FBN2: variants seen among roughly 807,000 people sequenced by gnomAD.
FBN2 encodes fibrillin 2, also known as fibrillin-2.
Under a neutral mutation model 355.6 loss-of-function variants are expected in FBN2, and 105 were observed. The ratio of observed to expected loss-of-function variants is 0.30; its 90% CI spans 0.25 to 0.35. The LOEUF is 0.35. FBN2 is among the 10% of genes least tolerant of loss of function. The pLI, the probability that FBN2 is intolerant of heterozygous loss-of-function variation, is 1.00. For synonymous variants in FBN2, 1,350 were observed against 1,301.2 expected (o/e 1.04, Z -0.81); for missense variants, 3,280 against 3,758.7 (o/e 0.87, Z 3.33).
intron 8 of FBN2, among the ~76,000 whole-genome samples, chr5:128,399,970 A>G (rs1752754909): frequency 6.6e-6 from 1 of 152,056 alleles, no homozygotes; most frequent in Non-Finnish European, 1.5e-5. Flanking sequence ...AAACAAATAT[A>G]TCAGTAATAT....
chr5:128,325,943 C>A lies in FBN2; in HGVS notation c.4471+2753G>T, dbSNP rs372755873. 2.0e-5 allele frequency among the ~76,000 whole-genome samples: 3 copies of A among 152,184 alleles called. 1 individual carries two copies. The highest frequency in any genetic ancestry group is 4.1e-4 in the South Asian group (2 of 4,836). On this transcript the variant is annotated intron_variant, in intron 34 of 64. Transcript: ENST00000262464. The stretch of plus-strand genomic sequence containing the variant: ...TACTCTATAGCTCTTATAATCTCTA[C>A]AAACTTCTTCAACTACATTTATGAT...
intron 6 of FBN2, among the ~76,000 whole-genome samples, chr5:128,447,766 G>A (rs1016630369): frequency 2.0e-5 from 3 of 152,092 alleles, no homozygotes; most frequent in Admixed American, 2.0e-4. Context: ...GGGGCATCAC[G>A]GCACCTGCCG....
At position 128,446,524 on chromosome 5, in the gene FBN2, G is replaced by C; in HGVS notation, c.909C>G (p.Cys303Trp). The change falls in exon 7 of 65, where the codon TGC (cysteine) becomes TGG (tryptophan). Residue 303 changes from cysteine to tryptophan, a missense_variant. Around this residue, in one of 6 missense-constraint regions of FBN2, gnomAD observed 343 missense variants for 331.0 expected, o/e 1.04. Transcript: ENST00000262464. ...TTTCACTCTGTTTGTGACCAGCAGG[G>C]CATCTGCATTCAAAAGAGCCCACTG... Reference protein sequence around the residue: ...INTVGSFECRCPAGHKQSETT... With the variant: ...INTVGSFECRWPAGHKQSETT... 1 of 1,613,896 alleles carries C rather than the reference G, an allele frequency of 6.2e-7. No individual in the cohort carries two copies. Among genetic ancestry groups the C allele is most frequent in the Non-Finnish European group, 8.5e-7 (1 of 1,179,830 alleles).
chr5:128,402,702 T>G (rs903485687), intron 8 of FBN2, among the ~76,000 whole-genome samples: 1 of 152,158 alleles, frequency 6.6e-6, no homozygotes, highest in Admixed American at 6.5e-5. Context: ...GTCAGAACAA[T>G]AGTGATAGAC....
intron 4 of FBN2, among the ~76,000 whole-genome samples, chr5:128,524,456 C>A (rs1356641532): frequency 1.3e-5 from 2 of 152,130 alleles, no homozygotes; most frequent in South Asian, 4.1e-4. Context: ...ATTATCTTAC[C>A]TATTCACAGT....
At position 128,349,963 on chromosome 5, in the gene FBN2, G is replaced by GT; in HGVS notation, c.2854dup (p.Thr952AsnfsTer3). On this transcript the variant is annotated frameshift_variant, in exon 22 of 65. Coordinates refer to ENST00000262464, the MANE Select transcript of FBN2 (RefSeq NM_001999.4). LOFTEE classifies it high-confidence loss of function. Reference sequence around the variant, plus strand: ...AGGAAGGATACACTCACCTTCACACGTAACACCTTTAATCCTGGCAAGCCC... The same window carrying GT: ...AGGAAGGATACACTCACCTTCACACGTTAACACCTTTAATCCTGGCAAGCCC... 6.2e-7 allele frequency: 1 copy of GT among 1,613,288 alleles called. No homozygotes were observed. Among genetic ancestry groups the GT allele is most frequent in the Non-Finnish European group, 8.5e-7 (1 of 1,179,208 alleles).
chr5:128,527,537 C>T (rs1464498092), intron 4 of FBN2, among the ~76,000 whole-genome samples: 2 of 151,786 alleles, frequency 1.3e-5, no homozygotes, highest in East Asian at 1.9e-4. Flanking sequence ...AGAAAACTTG[C>T]TCTTTTTTTT....
intron 5 of FBN2, among the ~76,000 whole-genome samples, chr5:128,494,747 C>G (rs966865206): frequency 2.6e-5 from 4 of 152,174 alleles, no homozygotes; most frequent in Non-Finnish European, 5.9e-5. Flanking sequence ...GCAGAAGAAA[C>G]AGACTTCACT....
At chr5:128,278,171 G>A (rs1271058083) in intron 57 of FBN2, among the ~76,000 whole-genome samples, 166 bp from the exon 58 acceptor site, 2 of 152,184 alleles carry the variant, frequency 1.3e-5, no homozygotes, top group Non-Finnish European at 2.9e-5. Flanking sequence ...CAACATGGAT[G>A]TGATGGAAAA....
chr5:128,398,133 G>A (rs981386381), intron 8 of FBN2, among the ~76,000 whole-genome samples: 15 of 152,108 alleles, frequency 9.9e-5, no homozygotes, highest in Non-Finnish European at 8.8e-5. Flanking sequence ...AGAATATAAC[G>A]TAAAGAGGTT....
At chr5:128,410,606 T>A (rs535837893) in intron 7 of FBN2, among the ~76,000 whole-genome samples, 1 of 152,212 alleles carries the variant, frequency 6.6e-6, no homozygotes, top group African/African-American at 2.4e-5. Context: ...TTTCGTTTCA[T>A]AATAAACAAC....
chr5:128,266,109 C>T (rs1316609199), intron 62 of FBN2, among the ~76,000 whole-genome samples: 1 of 152,178 alleles, frequency 6.6e-6, no homozygotes, highest in African/African-American at 2.4e-5. Context: ...GGGTATTTCA[C>T]CCAATTTCTG....
Position 128,339,338 on chromosome 5 carries a change from G to A in FBN2, c.3344-277C>T, listed in dbSNP as rs138839469. 732 of 397,560 alleles carry A rather than the reference G, an allele frequency of 1.8e-3. 9 individuals carry two copies. Among genetic ancestry groups the A allele is most frequent in the African/African-American group, 0.014 (656 of 48,428 alleles). The allele number at this position is 397,560 out of a possible 1,614,324, so 24.6% of individuals were successfully genotyped here. On this transcript the variant is annotated intron_variant, in intron 25 of 64. Coordinates refer to ENST00000262464, the MANE Select transcript of FBN2 (RefSeq NM_001999.4). Reference sequence around the variant, plus strand: ...TGGCTTAGAAATCGTAACAGAAAAGGGGGGCATGGTGACTCATGCCTGTAA... The same window carrying A: ...TGGCTTAGAAATCGTAACAGAAAAGAGGGGCATGGTGACTCATGCCTGTAA...
Position 128,259,303 on chromosome 5 carries a change from C to T in FBN2, c.*152G>A, listed in dbSNP as rs1374404091. On this transcript the variant is annotated 3_prime_UTR_variant, in exon 65 of 65. Coordinates refer to ENST00000262464, the MANE Select transcript of FBN2 (RefSeq NM_001999.4). ...CATACCAGAGTCTAAATTATCCCTCCCTGTGAGGGTCAACATTCAAAGTCT... is the reference window on the plus strand; with the variant it reads ...CATACCAGAGTCTAAATTATCCCTCTCTGTGAGGGTCAACATTCAAAGTCT... The T allele has an allele frequency of 4.0e-6, 4 of 1,011,530 alleles. No homozygotes were observed. Among genetic ancestry groups the T allele is most frequent in the Non-Finnish European group, 6.1e-6 (4 of 651,354 alleles). The allele number at this position is 1,011,530 out of a possible 1,614,324, so 62.7% of individuals were successfully genotyped here. A position where few individuals can be genotyped will look rare whatever the true frequency, so the allele number is the denominator to read the frequency against.
At chr5:128,329,105 T>A (rs569310112) in intron 33 of FBN2, among the ~76,000 whole-genome samples, 62 of 152,194 alleles carry the variant, frequency 4.1e-4, no homozygotes, top group Non-Finnish European at 8.2e-4. Context: ...ATCTCTCACA[T>A]TTGTCTTGTT....
rs75105513 is a variant in FBN2, at chr5:128,320,099, T to C, written c.4472-1098A>G. Among the ~76,000 whole-genome samples the C allele has an allele frequency of 1.3e-3, 197 of 152,334 alleles. 2 individuals are homozygous for C. The East Asian group carries it at 0.03, about 23-fold the overall frequency. On this transcript the variant is annotated intron_variant, in intron 34 of 64. Coordinates refer to ENST00000262464, the MANE Select transcript of FBN2 (RefSeq NM_001999.4). ...ATGTGCAAAGGTGTCTTTTATTGTG[T>C]TGGGGGTAAGAAAGTTATTCTCTTT...
In FBN2 at chr5:128,259,759, A is replaced by T. The variant is rs2126791973; in HGVS notation, c.8435T>A (p.Leu2812His). The T allele has an allele frequency of 1.2e-6, 2 of 1,613,688 alleles. No homozygotes were observed. Among genetic ancestry groups the T allele is most frequent in the Non-Finnish European group, 1.7e-6 (2 of 1,179,934 alleles). The stretch of plus-strand genomic sequence containing the variant: ...TTCCAGGATGTGCTCCTTAGAGCCG[A>T]GGTGGGAGAGGTTGAACTTCATGTT... ...PVNMKFNLSH[L>H]GSKEHILELR... is the part of the protein sequence containing the mutation. Residue 2812 changes from leucine (L) to histidine (H), a missense_variant, in exon 65 of 65, where the codon CTC (leucine) becomes CAC (histidine). Physicochemically the swap from Leu to His is moderately conservative, Grantham distance 99 (BLOSUM62 -3). Coordinates refer to ENST00000262464, the MANE Select transcript of FBN2 (RefSeq NM_001999.4).
chr5:128,303,043 T>C lies in FBN2; in HGVS notation c.5847A>G (p.Lys1949=), dbSNP rs751378266. The change falls in exon 46 of 65, where the codon AAA becomes AAG. Residue 1949 remains lysine (K), a synonymous_variant. Transcript: ENST00000262464. ...ERHPCGNGTC[K]NTVGSYNCLC... is the part of the protein sequence containing the mutation. The stretch of plus-strand genomic sequence containing the variant: ...GACAGTTATAGGATCCAACGGTGTT[T>C]TTACAAGTTCCATTTCCACATGGAT... The C allele has an allele frequency of 2.1e-5, 34 of 1,613,230 alleles. No homozygotes were observed. In the South Asian group the frequency reaches 2.5e-4, roughly 12 times the overall value.
chr5:128,476,010 G>T (rs1189400644), intron 5 of FBN2, among the ~76,000 whole-genome samples: 1 of 152,158 alleles, frequency 6.6e-6, no homozygotes, highest in African/African-American at 2.4e-5. Flanking sequence ...TTGGGACCAG[G>T]ATGAGTGAAT....
Sources: gnomAD v4.1 joint callset for allele counts (sites outside exome capture counted in the v4.1 genomes callset) on GRCh38, gnomAD v4.1.1 for gene constraint, gnomAD v4.1.1 regional missense constraint, MANE v1.5 for transcripts, NCBI Gene and HGNC (gene_info 2026-07-23, HGNC 2026-07-21) for gene names.